NPL: variants seen among roughly 807,000 people sequenced by gnomAD.
The protein encoded by NPL is N-acetylneuraminate lyase.
Under a neutral mutation model 41.1 loss-of-function variants are expected in NPL, and 32 were observed. That is an observed-to-expected ratio of 0.78 (90% CI 0.59 to 1.05). The LOEUF (loss-of-function observed/expected upper bound fraction) is 1.05, where lower values mean the gene tolerates loss of function less well. NPL is among the 50% of genes least tolerant of loss of function. The pLI is 0.00. For missense variants in NPL, 321 were observed against 378.4 expected (o/e 0.85, Z 1.26); for synonymous variants, 128 against 134.9 (o/e 0.95, Z 0.35).
intron 10 of NPL, among the ~76,000 whole-genome samples, 156 bp downstream of exon 10, chr1:182,819,015 T>C (rs1667415543): frequency 6.6e-6 from 1 of 152,248 alleles, no homozygotes; most frequent in Non-Finnish European, 1.5e-5. Flanking sequence ...ACTGCTTAGC[T>C]GTTTGTTAGA....
intron 5 of NPL, among the ~76,000 whole-genome samples, chr1:182,808,375 C>T (rs1186694800): frequency 6.6e-6 from 1 of 152,154 alleles, no homozygotes; most frequent in East Asian, 1.9e-4. Context: ...CATAGGAAGT[C>T]ACTGATGACC....
In NPL at chr1:182,803,685, A is replaced by G. The variant is rs1666919916; in HGVS notation, c.69-13A>G. Reference sequence around the variant, plus strand: ...AAAGACTAAATATGCCTTTTTTTCCACATGTCTTCTAGAGAAATCAACTTT... The same window carrying G: ...AAAGACTAAATATGCCTTTTTTTCCGCATGTCTTCTAGAGAAATCAACTTT... On this transcript the variant is annotated splice_polypyrimidine_tract_variant and intron_variant, in intron 3 of 12. Transcript: ENST00000367553. The G allele has an allele frequency of 6.3e-7, 1 of 1,589,506 alleles. No individual in the cohort carries two copies. Among genetic ancestry groups the G allele is most frequent in the Non-Finnish European group, 8.6e-7 (1 of 1,157,598 alleles).
chr1:182,823,467 T>C (rs1220467758), intron 11 of NPL, among the ~76,000 whole-genome samples: 1 of 152,220 alleles, frequency 6.6e-6, no homozygotes, highest in Admixed American at 6.5e-5. Flanking sequence ...ATATGTAATA[T>C]TCGCCTTTGT....
intron 3 of NPL, among the ~76,000 whole-genome samples, chr1:182,798,390 G>A (rs1409485240): frequency 1.3e-5 from 2 of 151,990 alleles, no homozygotes; most frequent in Admixed American, 6.6e-5. Context: ...ACCCTGCCCG[G>A]CTAATTTTTG....
rs981251334 is a variant in NPL, at chr1:182,830,156, A to G, written c.*1248A>G. On this transcript the variant is annotated 3_prime_UTR_variant, in exon 13 of 13. Transcript: ENST00000367553. Reference sequence around the variant, plus strand: ...AATTTGAAATTATAAGTAGACTTCAATTATCTTTGCTAATCCTCTCTTTAA... The same window carrying G: ...AATTTGAAATTATAAGTAGACTTCAGTTATCTTTGCTAATCCTCTCTTTAA... The G allele has an allele frequency of 2.0e-5, 3 of 152,370 alleles. No individual in the cohort carries two copies. Among genetic ancestry groups the G allele is most frequent in the Non-Finnish European group, 4.4e-5 (3 of 68,148 alleles). The allele number at this position is 152,370 out of a possible 1,614,324, so 9.4% of individuals were successfully genotyped here.
At chr1:182,800,448 A>C (rs1051356850) in intron 3 of NPL, among the ~76,000 whole-genome samples, 2 of 151,330 alleles carry the variant, frequency 1.3e-5, no homozygotes, top group Non-Finnish European at 2.9e-5. Context: ...AAAAAAAAAA[A>C]AAAAAAAAAA....
chr1:182,806,117 C>A (rs1239361364), intron 4 of NPL, 28 bp from the exon 5 acceptor site: 1 of 1,613,834 alleles, frequency 6.2e-7, no homozygotes, highest in Admixed American at 1.7e-5. Flanking sequence ...GCTCCTTGGT[C>A]CTGCTGACTT....
In NPL at chr1:182,829,684, A is replaced by G; in HGVS notation, c.*776A>G. On this transcript the variant is annotated 3_prime_UTR_variant, in exon 13 of 13. Coordinates refer to ENST00000367553, the MANE Select transcript of NPL (RefSeq NM_030769.3). ...AACTTCCCCTTCCTCCACTGAGAAGACTGTCTCTCCCGCAGGACCCTGAAT... is the reference window on the plus strand; with the variant it reads ...AACTTCCCCTTCCTCCACTGAGAAGGCTGTCTCTCCCGCAGGACCCTGAAT... The G allele has an allele frequency of 2.7e-6, 4 of 1,498,646 alleles. No homozygotes were observed. Among genetic ancestry groups the G allele is most frequent in the Non-Finnish European group, 3.6e-6 (4 of 1,099,338 alleles). 92.8% of individuals were successfully genotyped at this position (1,498,646 alleles called of 1,614,324 possible).
chr1:182,812,595 A>G (rs1667208648), intron 6 of NPL, among the ~76,000 whole-genome samples: 1 of 152,208 alleles, frequency 6.6e-6, no homozygotes, highest in Non-Finnish European at 1.5e-5. Context: ...GCAAATGTGA[A>G]TTCTGCATTG....
chr1:182,806,597 C>T lies in NPL; in HGVS notation c.230+365C>T, dbSNP rs2102543311. On this transcript the variant is annotated intron_variant, in intron 5 of 12. Transcript: ENST00000367553. ...GCTCTTCCACTGAGCAACTCACACCCCTTCCCTTCTTGGGATGAGCGCCTG... is the reference window on the plus strand; with the variant it reads ...GCTCTTCCACTGAGCAACTCACACCTCTTCCCTTCTTGGGATGAGCGCCTG... 7.3e-6 allele frequency: 11 copies of T among 1,503,092 alleles called. No individual in the cohort carries two copies. The East Asian group carries it at 1.5e-4, about 20-fold the overall frequency. 93.1% of individuals were successfully genotyped at this position (1,503,092 alleles called of 1,614,324 possible). A position where few individuals can be genotyped will look rare whatever the true frequency, so the allele number is the denominator to read the frequency against.
intron 10 of NPL, 60 bp downstream of exon 10, chr1:182,818,919 A>G (rs1667412972): frequency 1.5e-6 from 2 of 1,369,062 alleles, no homozygotes; most frequent in African/African-American, 2.9e-5. Flanking sequence ...ATTCATCACC[A>G]AAGTAGCTGT....
intron 4 of NPL, among the ~76,000 whole-genome samples, chr1:182,804,230 G>A (rs960095261): frequency 6.6e-6 from 1 of 152,162 alleles, no homozygotes; most frequent in African/African-American, 2.4e-5. Context: ...CCGGGTTCAA[G>A]CAATTCTCCT....
intron 3 of NPL, among the ~76,000 whole-genome samples, chr1:182,797,713 A>G (rs76301267): frequency 0.016 from 2,364 of 151,830 alleles, 25 homozygotes; most frequent in Middle Eastern, 0.027. Context: ...CCCTGTCCAT[A>G]CTCTTCCCCT....
In NPL at chr1:182,822,247, C is replaced by G. The variant is rs911928190; in HGVS notation, c.738+48C>G. ...ATAAATCACAGCCTTTTTTCTTCCC[C>G]ACTTGAGGATTCTTTTTCTTCTCTC... On this transcript the variant is annotated intron_variant, in intron 11 of 12. Coordinates refer to ENST00000367553, the MANE Select transcript of NPL (RefSeq NM_030769.3). 4.7e-6 allele frequency: 6 copies of G among 1,274,328 alleles called. No homozygotes were observed. The African/African-American group carries it at 8.8e-5, about 19-fold the overall frequency. 78.9% of individuals were successfully genotyped at this position (1,274,328 alleles called of 1,614,324 possible). A position where few individuals can be genotyped will look rare whatever the true frequency, so the allele number is the denominator to read the frequency against.
rs962392811 is a variant in NPL, at chr1:182,804,979, T to TG, written c.143-1164dup. ...ACTTGAAGTCAAGACCTCAAAGAAG[T>TG]GGTTAAAAATACTTTCCGACTTCCC... On this transcript the variant is annotated intron_variant, in intron 4 of 12. Coordinates refer to ENST00000367553, the MANE Select transcript of NPL (RefSeq NM_030769.3). 3.2e-4 allele frequency among the ~76,000 whole-genome samples: 49 copies of TG among 152,092 alleles called. 1 individual carries two copies. The highest frequency in any genetic ancestry group is 1.1e-3 in the African/African-American group (46 of 41,414).
rs754181924 is a variant in NPL, at chr1:182,814,817, T to C, written c.323T>C (p.Ile108Thr). ...QHAAEIGADG[I>T]AVIAPFFLKP... ...GCAGCAGAAATAGGAGCTGATGGCA[T>C]CGCTGTCATTGCACCGTTCTTCCTC... Residue 108 changes from isoleucine (I) to threonine (T), a missense_variant, in exon 7 of 13, where the codon ATC becomes ACC. Coordinates refer to ENST00000367553, the MANE Select transcript of NPL (RefSeq NM_030769.3). 6.2e-7 allele frequency: 1 copy of C among 1,614,120 alleles called. No homozygotes were observed. The highest frequency in any genetic ancestry group is 8.5e-7 in the Non-Finnish European group (1 of 1,179,972).
At chr1:182,810,822 A>C (rs1183634205) in intron 5 of NPL, among the ~76,000 whole-genome samples, 2 of 152,164 alleles carry the variant, frequency 1.3e-5, no homozygotes. Context: ...TAATCCTTAC[A>C]ATAGCCCTGT....
intron 3 of NPL, among the ~76,000 whole-genome samples, chr1:182,802,347 C>T (rs985425906): frequency 1.3e-5 from 2 of 152,346 alleles, no homozygotes; most frequent in East Asian, 3.9e-4. Context: ...CCTGTGCATT[C>T]TTTGCATTTA....
At chr1:182,799,797 C>G (rs1057384167) in intron 3 of NPL, among the ~76,000 whole-genome samples, 1 of 151,234 alleles carries the variant, frequency 6.6e-6, no homozygotes, top group Non-Finnish European at 1.5e-5. Flanking sequence ...AATCTGAATC[C>G]CCAGGAATTG....
Sources: allele counts gnomAD v4.1 joint callset (sites outside exome capture counted in the v4.1 genomes callset), GRCh38; gene constraint gnomAD v4.1.1; transcripts MANE v1.5; gene names NCBI Gene and HGNC (gene_info 2026-07-23, HGNC 2026-07-21).